The following PREP variants were observed in gnomAD, a reference collection of about 807,000 sequenced individuals.
PREP encodes dJ355L5.1 (prolyl endopeptidase).
A neutral mutation model predicts 87.6 loss-of-function variants in PREP; 29 were observed. The observed-to-expected ratio is 0.33, with a 90% CI of 0.25 to 0.45. PREP has a LOEUF of 0.45. Ranked by LOEUF, PREP falls within the 20% of genes least tolerant of loss-of-function variation. The pLI, the probability that PREP is intolerant of heterozygous loss-of-function variation, is 1.00. For synonymous variants in PREP, 337 were observed against 328.6 expected (o/e 1.03, Z -0.28); for missense variants, 695 against 886.5 (o/e 0.78, Z 2.74).
At chr6:105,338,581 G>A (rs1025645120) in intron 7 of PREP, among the ~76,000 whole-genome samples, 2 of 152,228 alleles carry the variant, frequency 1.3e-5, no homozygotes, top group African/African-American at 4.8e-5. Context: ...AGCCGAAGCA[G>A]GGCGGGGCAT....
intron 2 of PREP, among the ~76,000 whole-genome samples, chr6:105,387,930 C>T (rs916843236): frequency 2.6e-5 from 4 of 152,148 alleles, no homozygotes; most frequent in Admixed American, 2.6e-4. Flanking sequence ...ACCGCATCCC[C>T]CTTATTTAAC....
intron 7 of PREP, among the ~76,000 whole-genome samples, chr6:105,341,271 C>G (rs1028623330): frequency 2.6e-5 from 4 of 152,160 alleles, no homozygotes; most frequent in Non-Finnish European, 5.9e-5. Context: ...ACTGAACAAC[C>G]TGCTCTTCAA....
intron 5 of PREP, among the ~76,000 whole-genome samples, chr6:105,371,620 A>G (rs1772551078): frequency 1.3e-5 from 2 of 149,644 alleles, no homozygotes. Context: ...TTTTTTCATT[A>G]TGATGACGTA....
At position 105,313,870 on chromosome 6, in the gene PREP, T is replaced by C. The variant is rs928960837; in HGVS notation, c.1317+9795A>G. Among the ~76,000 whole-genome samples, 3 of 152,134 alleles carry C rather than the reference T, an allele frequency of 2.0e-5. No individual in the cohort carries two copies. In the South Asian group the frequency reaches 6.2e-4, roughly 32 times the overall value. On this transcript the variant is annotated intron_variant, in intron 10 of 14. Coordinates refer to ENST00000652536, the MANE Select transcript of PREP (RefSeq NM_002726.5). ...AAGATGACAAAAGCAAAAGAGTAAATAAAGTTTTATTTTATTTCTGAATAT... is the reference window on the plus strand; with the variant it reads ...AAGATGACAAAAGCAAAAGAGTAAACAAAGTTTTATTTTATTTCTGAATAT...
Position 105,340,079 on chromosome 6 carries a change from G to A in PREP, c.824-6574C>T, listed in dbSNP as rs978167321. On this transcript the variant is annotated intron_variant, in intron 7 of 14. Transcript: ENST00000652536. ...ACTCCTCGAGAAGAGAAACTCCAAGGCACATAATTATCAGATTCACCAAGG... is the reference window on the plus strand; with the variant it reads ...ACTCCTCGAGAAGAGAAACTCCAAGACACATAATTATCAGATTCACCAAGG... Among the ~76,000 whole-genome samples, 28 of 150,782 alleles carry A rather than the reference G, an allele frequency of 1.9e-4. No individual in the cohort carries two copies. The South Asian group carries it at 5.5e-3, about 29-fold the overall frequency.
chr6:105,294,711 C>T (rs1169443598), intron 10 of PREP, among the ~76,000 whole-genome samples: 1 of 152,200 alleles, frequency 6.6e-6, no homozygotes. Context: ...CTTGGTTATA[C>T]CTTGGCCCTT....
intron 6 of PREP, among the ~76,000 whole-genome samples, chr6:105,363,152 A>T (rs1211590969): frequency 7.2e-6 from 1 of 138,546 alleles, no homozygotes; most frequent in East Asian, 1.9e-4. Context: ...ATTACTTTTG[A>T]AAAAAAAACT....
intron 10 of PREP, among the ~76,000 whole-genome samples, chr6:105,315,801 T>C (rs1770851694): frequency 6.6e-6 from 1 of 152,260 alleles, no homozygotes; most frequent in Admixed American, 6.5e-5. Flanking sequence ...AACTTTTATG[T>C]TGTGCAGATG....
At chr6:105,364,623 C>T (rs1772338610) in intron 6 of PREP, among the ~76,000 whole-genome samples, 1 of 152,198 alleles carries the variant, frequency 6.6e-6, no homozygotes, top group African/African-American at 2.4e-5. Context: ...GCTTCTCTCA[C>T]ACCCAGCAGC....
At position 105,278,061 on chromosome 6, in the gene PREP, AT is replaced by A. The variant is rs1769984329; in HGVS notation, c.*82del. On this transcript the variant is annotated 3_prime_UTR_variant, in exon 15 of 15. Coordinates refer to ENST00000652536, the MANE Select transcript of PREP (RefSeq NM_002726.5). This position sits in a 1 kb window ranked among gnomAD's most constrained non-coding sequence, Gnocchi z 4.2. ...AGGAATAATGTTCCCGTGGGGAAGC[AT>A]TATGCCCAGTGGTTTCTTGGTGTCA... 8 of 1,496,170 alleles carry A rather than the reference AT, an allele frequency of 5.3e-6. No individual in the cohort carries two copies. Among genetic ancestry groups the A allele is most frequent in the Non-Finnish European group, 7.3e-6 (8 of 1,097,284 alleles). The allele number at this position is 1,496,170 out of a possible 1,614,324, so 92.7% of individuals were successfully genotyped here.
intron 10 of PREP, among the ~76,000 whole-genome samples, chr6:105,308,385 T>C (rs904783501): frequency 1.3e-5 from 2 of 152,202 alleles, no homozygotes; most frequent in African/African-American, 4.8e-5. Flanking sequence ...TGTGTACACA[T>C]GCAACAACCT....
At chr6:105,398,575 C>CAA (rs1216999660) in intron 1 of PREP, among the ~76,000 whole-genome samples, 2 of 152,040 alleles carry the variant, frequency 1.3e-5, no homozygotes, top group African/African-American at 4.8e-5. Flanking sequence ...AAAGAAGGTG[C>CAA]AAAAGCATCA....
intron 7 of PREP, among the ~76,000 whole-genome samples, chr6:105,350,563 A>G (rs1771919910): frequency 1.3e-5 from 2 of 152,202 alleles, no homozygotes; most frequent in Admixed American, 1.3e-4. Flanking sequence ...AATCTTTTCA[A>G]TAGTAAAACA....
rs1769937793 is a variant in PREP, at chr6:105,276,658, C to CAA, written c.*1485_*1486insTT. ...TGTTTCCAGAGGAGTTATGGTGAATCTTATACTCAATGACAACTGTATTAT... is the reference window on the plus strand; with the variant it reads ...TGTTTCCAGAGGAGTTATGGTGAATCAATTATACTCAATGACAACTGTATTAT... On this transcript the variant is annotated 3_prime_UTR_variant, in exon 15 of 15. Transcript: ENST00000652536. 6.6e-6 allele frequency among the ~76,000 whole-genome samples: 1 copy of CAA among 152,172 alleles called. No individual in the cohort carries two copies. The highest frequency in any genetic ancestry group is 2.4e-5 in the African/African-American group (1 of 41,440).
At chr6:105,349,158 T>C (rs1026638885) in intron 7 of PREP, among the ~76,000 whole-genome samples, 2 of 152,200 alleles carry the variant, frequency 1.3e-5, no homozygotes, top group Admixed American at 6.5e-5. Flanking sequence ...GAAGGAGCAA[T>C]TGCCAGCCTC....
chr6:105,349,467 C>T (rs1384374134), intron 7 of PREP, among the ~76,000 whole-genome samples: 2 of 152,052 alleles, frequency 1.3e-5, no homozygotes, highest in African/African-American at 4.8e-5. Context: ...TATTAAATTG[C>T]CATTGGCCTT....
chr6:105,366,188 T>C (rs10214566), intron 6 of PREP, among the ~76,000 whole-genome samples: 32,074 of 151,798 alleles, frequency 0.21, 4,846 homozygotes, highest in African/African-American at 0.43. Context: ...ACCCGGGAGG[T>C]GGAGGTTGGA....
chr6:105,341,064 C>T (rs978431904), intron 7 of PREP, among the ~76,000 whole-genome samples: 1 of 152,210 alleles, frequency 6.6e-6, no homozygotes, highest in African/African-American at 2.4e-5. Flanking sequence ...CAGAACTCTC[C>T]ACCCCAAATC....
chr6:105,281,545 C>A, intron 14 of PREP: 1 of 582,842 alleles, frequency 1.7e-6, no homozygotes, highest in Non-Finnish European at 2.8e-6. Context: ...TCTGCCCTAC[C>A]ACATTTTTTG....
Sources: allele counts gnomAD v4.1 joint callset (sites outside exome capture counted in the v4.1 genomes callset), GRCh38; gene constraint gnomAD v4.1.1; non-coding constraint Gnocchi (gnomAD v3.1); transcripts MANE v1.5; gene names NCBI Gene and HGNC (gene_info 2026-07-23, HGNC 2026-07-21).